The following FNDC3B variants were observed in gnomAD, a reference collection of about 807,000 sequenced individuals.
FNDC3B encodes the protein fibronectin type III domain-containing protein 3B.
A neutral mutation model predicts 151.5 loss-of-function variants in FNDC3B; 12 were observed. That is an observed-to-expected ratio of 0.08 (90% CI 0.05 to 0.13). The LOEUF (loss-of-function observed/expected upper bound fraction) is 0.13, where lower values mean the gene tolerates loss of function less well. Ranked by LOEUF, FNDC3B falls within the 10% of genes least tolerant of loss-of-function variation. The probability of loss-of-function intolerance (pLI) is 1.00; values close to 1 mark genes in which losing one functional copy is unlikely to be tolerated. For synonymous variants in FNDC3B, 528 were observed against 549.0 expected (o/e 0.96, Z 0.54); for missense variants, 1,214 against 1,505.3 (o/e 0.81, Z 3.20).
intron 3 of FNDC3B, among the ~76,000 whole-genome samples, chr3:172,153,229 A>C (rs1422068144): frequency 6.6e-6 from 1 of 152,206 alleles, no homozygotes; most frequent in Non-Finnish European, 1.5e-5. Flanking sequence ...GGAGAAGAAG[A>C]GAAAATAATA....
chr3:172,161,989 T>TGG (rs1553767751), intron 3 of FNDC3B, among the ~76,000 whole-genome samples: 15 of 147,068 alleles, frequency 1.0e-4, no homozygotes, highest in Admixed American at 6.1e-4. Context: ...TTTTTTTTTT[T>TGG]GGGGGGGGAC....
chr3:172,380,688 G>A (rs1263507946), intron 24 of FNDC3B, among the ~76,000 whole-genome samples: 1 of 152,168 alleles, frequency 6.6e-6, no homozygotes, highest in Non-Finnish European at 1.5e-5. Context: ...ATACTCAATT[G>A]CCATAGGAGA....
intron 3 of FNDC3B, among the ~76,000 whole-genome samples, chr3:172,186,054 G>C (rs866090991): frequency 7.2e-5 from 11 of 152,346 alleles, no homozygotes; most frequent in Middle Eastern, 3.4e-3. Flanking sequence ...AGAGAGGTTA[G>C]AAGAGGAAGA....
intron 22 of FNDC3B, among the ~76,000 whole-genome samples, chr3:172,353,924 T>G (rs1733971468): frequency 1.3e-5 from 2 of 150,376 alleles, no homozygotes. Flanking sequence ...CAGATGGAAA[T>G]TGAATAGCTT....
chr3:172,156,326 C>T (rs1419424916), intron 3 of FNDC3B, among the ~76,000 whole-genome samples: 1 of 152,232 alleles, frequency 6.6e-6, no homozygotes, highest in African/African-American at 2.4e-5. Flanking sequence ...TCCTTTTTCT[C>T]AAATACAATT....
At chr3:172,326,444 T>C (rs1180380746) in intron 11 of FNDC3B, among the ~76,000 whole-genome samples, 2 of 152,230 alleles carry the variant, frequency 1.3e-5, no homozygotes, top group Middle Eastern at 6.3e-3. Context: ...CGGCATGCTT[T>C]GTCTATATGG....
At chr3:172,063,440 G>A (rs545788567) in intron 1 of FNDC3B, among the ~76,000 whole-genome samples, 5 of 152,258 alleles carry the variant, frequency 3.3e-5, no homozygotes, top group African/African-American at 7.2e-5. Context: ...TTCTGTCAAC[G>A]TTTACTTCTC....
rs115220738 is a variant in FNDC3B at position 172,243,565 on chromosome 3, C to T, written c.265-3968C>T. Among the ~76,000 whole-genome samples the T allele has an allele frequency of 9.3e-3, 1,418 of 152,192 alleles. 25 individuals are homozygous for T. Among genetic ancestry groups the T allele is most frequent in the African/African-American group, 0.032 (1,347 of 41,516 alleles). ...TTAAATCACCATCATGAGAACAGCA[C>T]GGGAAAGACTTGCCTTCATGATTCA... On this transcript the variant is annotated intron_variant, in intron 4 of 25. Coordinates refer to ENST00000415807, the MANE Select transcript of FNDC3B (RefSeq NM_022763.4).
chr3:172,325,238 G>A (rs1192781115), intron 11 of FNDC3B, among the ~76,000 whole-genome samples: 8 of 152,192 alleles, frequency 5.3e-5, no homozygotes, highest in South Asian at 2.1e-4. Context: ...CTAAGTTTCC[G>A]AAGTCAAGTC....
At chr3:172,247,434 GGAAGA>G (rs2108770681) in intron 4 of FNDC3B, 94 bp from the exon 5 acceptor site, 1 of 1,321,050 alleles carries the variant, frequency 7.6e-7, no homozygotes, top group African/African-American at 1.5e-5. Context: ...TTTCTATGGT[GGAAGA>G]GAAAAGTAAA....
At chr3:172,183,659 C>T (rs1316771783) in intron 3 of FNDC3B, among the ~76,000 whole-genome samples, 1 of 152,160 alleles carries the variant, frequency 6.6e-6, no homozygotes, top group Non-Finnish European at 1.5e-5. Context: ...AGTTTATATG[C>T]CTTGTCTATT....
chr3:172,281,927 A>C (rs1163327094), intron 6 of FNDC3B, among the ~76,000 whole-genome samples: 1 of 152,214 alleles, frequency 6.6e-6, no homozygotes, highest in Admixed American at 6.5e-5. Context: ...ACAAAAAAAA[A>C]GAAAACATGC....
At chr3:172,202,915 A>G (rs998971621) in intron 3 of FNDC3B, among the ~76,000 whole-genome samples, 1 of 152,210 alleles carries the variant, frequency 6.6e-6, no homozygotes, top group Non-Finnish European at 1.5e-5. Context: ...ATGGTAAATA[A>G]CATGCTTTGC....
chr3:172,103,146 A>C (rs779732880), intron 1 of FNDC3B, among the ~76,000 whole-genome samples: 6 of 152,232 alleles, frequency 3.9e-5, no homozygotes, highest in Non-Finnish European at 8.8e-5. Flanking sequence ...CGAACAAAGC[A>C]AACGAACCTT....
intron 16 of FNDC3B, among the ~76,000 whole-genome samples, chr3:172,339,399 G>GA (rs1733167576): frequency 1.3e-5 from 2 of 151,958 alleles, no homozygotes; most frequent in South Asian, 2.1e-4. Context: ...GTCTCTGCTA[G>GA]AAAAAATACA....
intron 3 of FNDC3B, among the ~76,000 whole-genome samples, chr3:172,215,123 A>T (rs2108720467): frequency 6.6e-6 from 1 of 152,380 alleles, no homozygotes; most frequent in Non-Finnish European, 1.5e-5. Context: ...TAATTTCAGC[A>T]CTATTTGCAA....
At chr3:172,306,738 C>T (rs1014081766) in intron 9 of FNDC3B, among the ~76,000 whole-genome samples, 1 of 152,114 alleles carries the variant, frequency 6.6e-6, no homozygotes, top group African/African-American at 2.4e-5. Flanking sequence ...GTGTACAGAC[C>T]GAACATCTTT....
intron 1 of FNDC3B, among the ~76,000 whole-genome samples, chr3:172,062,867 A>G (rs1717283983): frequency 6.6e-6 from 1 of 152,200 alleles, no homozygotes; most frequent in African/African-American, 2.4e-5. Flanking sequence ...CTTAGGTCAA[A>G]ATGAGAGGAG....
chr3:172,330,406 C>A, intron 12 of FNDC3B, 135 bp from the exon 13 acceptor site: 1 of 664,634 alleles, frequency 1.5e-6, no homozygotes, highest in South Asian at 2.2e-5. Context: ...ATATCACACA[C>A]AGCATCCTTA....
Sources: gnomAD v4.1 joint callset for allele counts (sites outside exome capture counted in the v4.1 genomes callset) on GRCh38, gnomAD v4.1.1 for gene constraint, MANE v1.5 for transcripts, NCBI Gene and HGNC (gene_info 2026-07-23, HGNC 2026-07-21) for gene names.